Variants in NECTIN1 observed in about 807,000 individuals in gnomAD.
The protein encoded by NECTIN1 is nectin-1.
NECTIN1 carries 23 observed loss-of-function variants against 48.0 expected under a neutral mutation model. That is an observed-to-expected ratio of 0.48 (90% CI 0.34 to 0.68). NECTIN1 has a LOEUF of 0.68. Among genes scored for constraint, NECTIN1 ranks in the 30% least tolerant of loss-of-function variants. The pLI, the probability that NECTIN1 is intolerant of heterozygous loss-of-function variation, is 0.01. For synonymous variants in NECTIN1, 270 were observed against 288.9 expected (o/e 0.93, Z 0.66); for missense variants, 591 against 709.9 (o/e 0.83, Z 1.90).
rs897007115 is a variant in NECTIN1 at position 119,651,431 on chromosome 11, G to C, written c.1004-11419C>G. 2.0e-5 allele frequency among the ~76,000 whole-genome samples: 3 copies of C among 151,162 alleles called. No homozygotes were observed. In the South Asian group the frequency reaches 6.4e-4, roughly 32 times the overall value. The stretch of plus-strand genomic sequence containing the variant: ...GAGACGGACAGCCCCAGTCTTTCTT[G>C]GGGGGGGTCTGTCCTCGCCACCCCA... On this transcript the variant is annotated intron_variant, in intron 5 of 7. Coordinates refer to the NECTIN1 transcript ENST00000341398.
chr11:119,668,954 T>C (rs1477959413), intron 5 of NECTIN1, among the ~76,000 whole-genome samples: 2 of 152,206 alleles, frequency 1.3e-5, no homozygotes, highest in Non-Finnish European at 2.9e-5. Flanking sequence ...ATTTGTGCTT[T>C]CTTCAACAGC....
intron 5 of NECTIN1, among the ~76,000 whole-genome samples, chr11:119,667,431 AAGCAAAGG>A (rs1371344741): frequency 6.6e-6 from 1 of 152,174 alleles, no homozygotes; most frequent in Non-Finnish European, 1.5e-5. Flanking sequence ...CTCCCCAGGG[AAGCAAAGG>A]ACACTCAGAG....
chr11:119,676,028 A>G (rs1460138545), intron 4 of NECTIN1, among the ~76,000 whole-genome samples: 1 of 151,168 alleles, frequency 6.6e-6, no homozygotes, highest in Non-Finnish European at 1.5e-5. Context: ...AAAAATAATA[A>G]TACAGATGCC....
intron 1 of NECTIN1, among the ~76,000 whole-genome samples, chr11:119,715,647 T>TGCCC (rs1429123644): frequency 5.9e-5 from 9 of 152,178 alleles, no homozygotes; most frequent in South Asian, 2.1e-4. Context: ...TGAGCCACTG[T>TGCCC]GCCCAGTGGG....
chr11:119,664,751 A>G lies in NECTIN1; in HGVS notation c.1550T>C (p.Val517Ala). The G allele has an allele frequency of 6.2e-7, 1 of 1,610,166 alleles. No individual in the cohort carries two copies. The highest frequency in any genetic ancestry group is 8.5e-7 in the Non-Finnish European group (1 of 1,177,940). The change falls in exon 6 of 6, where the codon GTG becomes GCG. Residue 517 changes from valine (V) to alanine (A), a missense_variant. Transcript: ENST00000264025. Reference protein sequence around the residue: ...GSFISKKEWYV With the variant: ...GSFISKKEWYA ...ACAGAGGCTCTGGAAGGGGGGCTACACGTACCACTCCTTCTTGGAAATGAA... is the reference window on the plus strand; with the variant it reads ...ACAGAGGCTCTGGAAGGGGGGCTACGCGTACCACTCCTTCTTGGAAATGAA...
chr11:119,716,840 GCGCGTGCACA>G (rs1865749973), intron 1 of NECTIN1, among the ~76,000 whole-genome samples: 1 of 152,208 alleles, frequency 6.6e-6, no homozygotes, highest in Non-Finnish European at 1.5e-5. Context: ...TCAGAAGCAG[GCGCGTGCACA>G]CGCGCGCGCA....
rs1417026540 is a variant in NECTIN1, at chr11:119,664,665, A to C, written c.*82T>G. ...GGGCAAGTCTCTGTTCAGCTCCTGGAGTGGGAGGTGGGGGGTGGGCAGGGG... is the reference window on the plus strand; with the variant it reads ...GGGCAAGTCTCTGTTCAGCTCCTGGCGTGGGAGGTGGGGGGTGGGCAGGGG... On this transcript the variant is annotated 3_prime_UTR_variant, in exon 6 of 6. Coordinates refer to ENST00000264025, the MANE Select transcript of NECTIN1 (RefSeq NM_002855.5). The C allele has an allele frequency of 1.1e-5, 13 of 1,143,336 alleles. No individual in the cohort carries two copies. The African/African-American group carries it at 4.2e-4, about 37-fold the overall frequency. 70.8% of individuals were successfully genotyped at this position (1,143,336 alleles called of 1,614,324 possible).
Position 119,677,982 on chromosome 11 carries a change from C to T in NECTIN1, c.431-125G>A. The T allele has an allele frequency of 1.1e-6, 1 of 944,858 alleles. No homozygotes were observed. The highest frequency in any genetic ancestry group is 1.6e-5 in the African/African-American group (1 of 61,884). 58.5% of individuals were successfully genotyped at this position (944,858 alleles called of 1,614,324 possible). ...CCCCTTGGCCATCCCTGCCTCTCAGCTGTGCTGCACCAAAGACTGTCCCAG... is the reference window on the plus strand; with the variant it reads ...CCCCTTGGCCATCCCTGCCTCTCAGTTGTGCTGCACCAAAGACTGTCCCAG... On this transcript the variant is annotated intron_variant, in intron 2 of 5. Transcript: ENST00000264025. This position sits in a 1 kb window ranked among gnomAD's most constrained non-coding sequence, Gnocchi z 5.4.
chr11:119,664,781 C>G lies in NECTIN1; in HGVS notation c.1520G>C (p.Gly507Ala), dbSNP rs202095358. Residue 507 changes from glycine to alanine, a missense_variant, in exon 6 of 6, where the codon GGG becomes GCG. Coordinates refer to ENST00000264025, the MANE Select transcript of NECTIN1 (RefSeq NM_002855.5). ...LAENMVSQND[G>A]SFISKKEWYV ...CCACTCCTTCTTGGAAATGAAAGAC[C>G]CGTCGTTCTGAGAAACCATGTTCTC... 2 of 1,612,824 alleles carry G rather than the reference C, an allele frequency of 1.2e-6. No homozygotes were observed. The highest frequency in any genetic ancestry group is 1.1e-5 in the South Asian group (1 of 90,898).
intron 1 of NECTIN1, among the ~76,000 whole-genome samples, chr11:119,685,505 C>T (rs778696903): frequency 1.6e-4 from 25 of 152,330 alleles, no homozygotes; most frequent in Non-Finnish European, 3.1e-4. Context: ...CTGGCAAGTC[C>T]CACCTCCCTC....
Position 119,673,987 on chromosome 11 carries a change from C to G in NECTIN1, c.1003+1172G>C, listed in dbSNP as rs1864902645. ...TCCCGCCCCTGGGTGAGAGACGTGA[C>G]AGAACGGCTCTGAGGACAGGTAGGC... On this transcript the variant is annotated intron_variant, in intron 5 of 5. Coordinates refer to ENST00000264025, the MANE Select transcript of NECTIN1 (RefSeq NM_002855.5). The surrounding 1 kb of genome is among the most constrained non-coding windows in gnomAD (Gnocchi z 5.8). Among the ~76,000 whole-genome samples, 1 of 152,212 alleles carries G rather than the reference C, an allele frequency of 6.6e-6. No homozygotes were observed.
At chr11:119,695,528 C>G (rs1027901851) in intron 1 of NECTIN1, among the ~76,000 whole-genome samples, 10 of 152,170 alleles carry the variant, frequency 6.6e-5, no homozygotes, top group African/African-American at 2.4e-4. Context: ...CGCAGTAGGC[C>G]CTGGATCCAG....
chr11:119,664,726 A>G lies in NECTIN1; in HGVS notation c.*21T>C. 6.3e-7 allele frequency: 1 copy of G among 1,593,200 alleles called. No homozygotes were observed. The highest frequency in any genetic ancestry group is 1.1e-5 in the South Asian group (1 of 87,820). On this transcript the variant is annotated 3_prime_UTR_variant, in exon 6 of 6. Transcript: ENST00000264025. ...AGGGGCTGGGGAGGAGCGGTCACAG[A>G]CAGAGGCTCTGGAAGGGGGGCTACA...
Position 119,662,373 on chromosome 11 carries a change from G to A in NECTIN1, c.*2374C>T, listed in dbSNP as rs753029528. 2.0e-4 allele frequency: 194 copies of A among 985,694 alleles called. No homozygotes were observed. The highest frequency in any genetic ancestry group is 9.6e-5 in the Non-Finnish European group (80 of 829,938). 61.1% of individuals were successfully genotyped at this position (985,694 alleles called of 1,614,324 possible). ...CCTCAGCCCAGGCTGGCAGCTGCTCGGTGGGTATGCTGAGGCTGGGCCCCT... is the reference window on the plus strand; with the variant it reads ...CCTCAGCCCAGGCTGGCAGCTGCTCAGTGGGTATGCTGAGGCTGGGCCCCT... On this transcript the variant is annotated 3_prime_UTR_variant, in exon 6 of 6. Transcript: ENST00000264025. This position sits in a 1 kb window ranked among gnomAD's most constrained non-coding sequence, Gnocchi z 5.3.
intron 5 of NECTIN1, chr11:119,653,948 A>G (rs1864529780): frequency 6.6e-6 from 1 of 152,230 alleles, no homozygotes; most frequent in African/African-American, 2.4e-5. Flanking sequence ...AGGTCTGCAG[A>G]GCTGATAGGT....
In NECTIN1 at chr11:119,677,744, C is replaced by T; in HGVS notation, c.544G>A (p.Val182Met). 1 of 1,614,174 alleles carries T rather than the reference C, an allele frequency of 6.2e-7. No individual in the cohort carries two copies. Among genetic ancestry groups the T allele is most frequent in the Non-Finnish European group, 8.5e-7 (1 of 1,180,016 alleles). ...TTTAACCGAGTTTCCCAGGATACCA[C>T]ACTGGGAGGCTTCCCATTGGCTGAG... ...CTSANGKPPS[V>M]VSWETRLKGE... is the part of the protein sequence containing the mutation. Residue 182 changes from valine (V) to methionine (M), a missense_variant, in exon 3 of 6, where the codon GTG becomes ATG. Coordinates refer to ENST00000264025, the MANE Select transcript of NECTIN1 (RefSeq NM_002855.5). This position sits in a 1 kb window ranked among gnomAD's most constrained non-coding sequence, Gnocchi z 5.4.
At chr11:119,713,633 A>G (rs988430699) in intron 1 of NECTIN1, 2 of 313,888 alleles carry the variant, frequency 6.4e-6, no homozygotes, top group South Asian at 2.3e-5. Context: ...ACCAACCGCT[A>G]CTCTCAGCCT....
In NECTIN1 at chr11:119,664,447, G is replaced by A. The variant is rs921083170; in HGVS notation, c.*300C>T. ...AGGGATGCCCAGGTACACAAGACGA[G>A]AACAGGGCTCCCTACACAGAGGGCA... is the stretch of plus-strand genomic sequence containing the variant. On this transcript the variant is annotated 3_prime_UTR_variant, in exon 6 of 6. Coordinates refer to ENST00000264025, the MANE Select transcript of NECTIN1 (RefSeq NM_002855.5). The A allele has an allele frequency of 1.7e-6, 2 of 1,208,200 alleles. No individual in the cohort carries two copies. Among genetic ancestry groups the A allele is most frequent in the Admixed American group, 4.1e-5 (1 of 24,604 alleles). The allele number at this position is 1,208,200 out of a possible 1,614,324, so 74.8% of individuals were successfully genotyped here.
Position 119,675,316 on chromosome 11 carries a change from G to A in NECTIN1, c.852-6C>T. The A allele has an allele frequency of 1.2e-6, 2 of 1,614,124 alleles. No individual in the cohort carries two copies. The highest frequency in any genetic ancestry group is 1.7e-6 in the Non-Finnish European group (2 of 1,180,020). The stretch of plus-strand genomic sequence containing the variant: ...TGGGGAGAGAGCCATTTAGCCTGTG[G>A]GAAGTGGGAGACACAGCGTAGGGTT... On this transcript the variant is annotated splice_region_variant and splice_polypyrimidine_tract_variant and intron_variant, in intron 4 of 5. Transcript: ENST00000264025.
Sources: gnomAD v4.1 joint callset for allele counts (sites outside exome capture counted in the v4.1 genomes callset) on GRCh38, gnomAD v4.1.1 for gene constraint, Gnocchi (gnomAD v3.1) non-coding constraint, MANE v1.5 for transcripts, NCBI Gene and HGNC (gene_info 2026-07-23, HGNC 2026-07-21) for gene names.